The following KCNJ10 variants were observed in gnomAD, a reference collection of about 807,000 sequenced individuals.
KCNJ10 encodes potassium inwardly rectifying channel subfamily J member 10.
In KCNJ10, 9 loss-of-function variants were observed where a neutral mutation model predicts 22.2. The observed-to-expected ratio is 0.40, with a 90% CI of 0.24 to 0.71. The LOEUF is 0.71. Among genes scored for constraint, KCNJ10 ranks in the 30% least tolerant of loss-of-function variants. KCNJ10 has a pLI of 0.35. For synonymous variants in KCNJ10, 184 were observed against 187.3 expected (o/e 0.98, Z 0.15); for missense variants, 337 against 482.7 (o/e 0.70, Z 2.83).
intron 1 of KCNJ10, among the ~76,000 whole-genome samples, chr1:160,063,882 C>T (rs921897065): frequency 2.0e-5 from 3 of 152,362 alleles, no homozygotes; most frequent in South Asian, 2.1e-4. Context: ...TTGAGCTCTA[C>T]GCTGAGCCCT....
At position 160,070,050 on chromosome 1, in the gene KCNJ10, G is replaced by A. The variant is rs1649414704; in HGVS notation, c.-29C>T. ...GGGTCCGAGGTGGAGTGGCCCCTTG[G>A]ATGGGCCGCGGGGCAGCGGGACAGA... On this transcript the variant is annotated 5_prime_UTR_variant, in exon 1 of 2. Coordinates refer to ENST00000644903, the MANE Select transcript of KCNJ10 (RefSeq NM_002241.5). The surrounding 1 kb of genome is among the most constrained non-coding windows in gnomAD (Gnocchi z 4.3). The A allele has an allele frequency of 1.3e-5, 2 of 152,914 alleles. No individual in the cohort carries two copies. Among genetic ancestry groups the A allele is most frequent in the Admixed American group, 1.3e-4 (2 of 15,288 alleles). 9.5% of individuals were successfully genotyped at this position (152,914 alleles called of 1,614,324 possible).
intron 1 of KCNJ10, among the ~76,000 whole-genome samples, chr1:160,069,325 G>A (rs1649397155): frequency 6.6e-6 from 1 of 152,218 alleles, no homozygotes; most frequent in Non-Finnish European, 1.5e-5. Context: ...TCCATCTGGA[G>A]GGTGAGTTTA....
chr1:160,049,490 C>T (rs570079783), intron 1 of KCNJ10, among the ~76,000 whole-genome samples: 2 of 151,642 alleles, frequency 1.3e-5, no homozygotes, highest in East Asian at 3.9e-4. Flanking sequence ...GTTCAAATAA[C>T]CCCTCTTCCA....
At chr1:160,059,275 A>G (rs1032504077) in intron 1 of KCNJ10, among the ~76,000 whole-genome samples, 1 of 152,168 alleles carries the variant, frequency 6.6e-6, no homozygotes, top group African/African-American at 2.4e-5. Flanking sequence ...GAAGTCCTCT[A>G]TGGTCATCAC....
At chr1:160,049,675 T>TTATTTA (rs1283511580) in intron 1 of KCNJ10, among the ~76,000 whole-genome samples, 1,109 of 47,006 alleles carry the variant, frequency 0.024, 26 homozygotes, top group Non-Finnish European at 0.032. Context: ...TTTTATTTAT[T>TTATTTA]TATATATATA....
intron 1 of KCNJ10, among the ~76,000 whole-genome samples, chr1:160,044,288 A>C (rs1314582510): frequency 6.6e-6 from 1 of 152,232 alleles, no homozygotes; most frequent in Non-Finnish European, 1.5e-5. Flanking sequence ...CTTTGGAACA[A>C]AAAGGAAGCT....
Position 160,069,424 on chromosome 1 carries a change from G to T in KCNJ10, c.-1+598C>A, listed in dbSNP as rs377265700. On this transcript the variant is annotated intron_variant, in intron 1 of 1. Coordinates refer to ENST00000644903, the MANE Select transcript of KCNJ10 (RefSeq NM_002241.5). Reference sequence around the variant, plus strand: ...CCAGTGCGAAACAGCTGGGGTGAGGGTGAGGGGCCATGAGGAGGGATGTCT... The same window carrying T: ...CCAGTGCGAAACAGCTGGGGTGAGGTTGAGGGGCCATGAGGAGGGATGTCT... Among the ~76,000 whole-genome samples the T allele has an allele frequency of 2.2e-4, 34 of 152,318 alleles. 2 individuals are homozygous for T. The South Asian group carries it at 6.6e-3, about 30-fold the overall frequency.
At chr1:160,044,644 A>AGTACTTAGGTACTC (rs1397278454) in intron 1 of KCNJ10, 1 of 152,214 alleles carries the variant, frequency 6.6e-6, no homozygotes, top group East Asian at 1.9e-4. Flanking sequence ...TAAGATTACG[A>AGTACTTAGGTACTC]GTACTTAGGT....
At chr1:160,061,274 C>T (rs1052612085) in intron 1 of KCNJ10, among the ~76,000 whole-genome samples, 4 of 152,180 alleles carry the variant, frequency 2.6e-5, no homozygotes, top group Admixed American at 1.3e-4. Context: ...CCACCAGCTG[C>T]CTGGACACCA....
At chr1:160,061,763 G>A in intron 1 of KCNJ10, among the ~76,000 whole-genome samples, 1 of 147,824 alleles carries the variant, frequency 6.8e-6, no homozygotes, top group Admixed American at 6.7e-5. Flanking sequence ...AAGGGGGGTG[G>A]GGTGGAGGGA....
intron 1 of KCNJ10, among the ~76,000 whole-genome samples, chr1:160,057,512 G>T (rs1158037279): frequency 6.6e-6 from 1 of 152,216 alleles, no homozygotes; most frequent in Non-Finnish European, 1.5e-5. Flanking sequence ...CCTGCCAAGA[G>T]GTGGGCAAGT....
chr1:160,068,327 G>T (rs903551343), intron 1 of KCNJ10, among the ~76,000 whole-genome samples: 7 of 151,686 alleles, frequency 4.6e-5, no homozygotes, highest in Admixed American at 2.0e-4. Context: ...TTTGATATCC[G>T]CTGAGACAAC....
At chr1:160,049,693 A>ATATATATATATATATATATTTATATT (rs1648849027) in intron 1 of KCNJ10, among the ~76,000 whole-genome samples, 1 of 116,732 alleles carries the variant, frequency 8.6e-6, no homozygotes, top group African/African-American at 3.4e-5. Flanking sequence ...ATATATATAT[A>ATATATATATATATATATATTTATATT]TATATATATA....
chr1:160,046,899 G>A lies in KCNJ10; in HGVS notation c.1-4367C>T, dbSNP rs145617580. Among the ~76,000 whole-genome samples the A allele has an allele frequency of 1.1e-3, 173 of 152,282 alleles. 1 individual carries two copies. The highest frequency in any genetic ancestry group is 4.0e-3 in the African/African-American group (168 of 41,556). On this transcript the variant is annotated intron_variant, in intron 1 of 1. Transcript: ENST00000644903. ...CTATTTCCCCAAAACAGTCCCAGCC[G>A]GCCAAATACCAGAGACAGAATTCTG...
rs1401735512 is a variant in KCNJ10, at chr1:160,041,354, GAA to G, written c.*37_*38del. 1 of 1,595,144 alleles carries G rather than the reference GAA, an allele frequency of 6.3e-7. No homozygotes were observed. The highest frequency in any genetic ancestry group is 2.2e-5 in the East Asian group (1 of 44,636). On this transcript the variant is annotated 3_prime_UTR_variant, in exon 2 of 2. Coordinates refer to ENST00000644903, the MANE Select transcript of KCNJ10 (RefSeq NM_002241.5). This position sits in a 1 kb window ranked among gnomAD's most constrained non-coding sequence, Gnocchi z 4.4. Reference sequence around the variant, plus strand: ...TCCTTACCAGGGCATTGGAAGAGAGGAAAAGAGACCAGAGGAATGGGGGAGTG... The same window carrying G: ...TCCTTACCAGGGCATTGGAAGAGAGGAAGAGACCAGAGGAATGGGGGAGTG...
chr1:160,040,364 C>T lies in KCNJ10; in HGVS notation c.*1029G>A, dbSNP rs1262257977. On this transcript the variant is annotated 3_prime_UTR_variant, in exon 2 of 2. Coordinates refer to ENST00000644903, the MANE Select transcript of KCNJ10 (RefSeq NM_002241.5). ...TGTGAATCTAGTTTTACTTGAGCAT[C>T]CGTGTTAAGAGAGGAAGGCCCTTGC... 2 of 394,136 alleles carry T rather than the reference C, an allele frequency of 5.1e-6. No homozygotes were observed. Among genetic ancestry groups the T allele is most frequent in the Non-Finnish European group, 8.9e-6 (2 of 223,900 alleles). The allele number at this position is 394,136 out of a possible 1,614,324, so 24.4% of individuals were successfully genotyped here. A position where few individuals can be genotyped will look rare whatever the true frequency, so the allele number is the denominator to read the frequency against.
At chr1:160,069,711 T>C (rs1170544845) in intron 1 of KCNJ10, among the ~76,000 whole-genome samples, 1 of 152,140 alleles carries the variant, frequency 6.6e-6, no homozygotes, top group Non-Finnish European at 1.5e-5. Context: ...TTATGTGTGG[T>C]TGTCACTGTA....
rs1649108604 is a variant in KCNJ10 at position 160,058,772 on chromosome 1, A to G, written c.-1+11250T>C. Among the ~76,000 whole-genome samples the G allele has an allele frequency of 2.6e-5, 4 of 152,200 alleles. No individual in the cohort carries two copies. In the South Asian group the frequency reaches 8.3e-4, roughly 32 times the overall value. ...TTCTCTATCTGTACCCACCCACTTC[A>G]CGCATGCATCATGTCCCCAGCCACA... On this transcript the variant is annotated intron_variant, in intron 1 of 1. Transcript: ENST00000644903.
intron 1 of KCNJ10, 38 bp from the exon 2 acceptor site, chr1:160,042,570 G>A (rs1648638219): frequency 6.3e-7 from 1 of 1,585,444 alleles, no homozygotes; most frequent in African/African-American, 1.3e-5. Context: ...GGTTATCGTA[G>A]AAATCCAGCT....
Sources: allele counts gnomAD v4.1 joint callset (sites outside exome capture counted in the v4.1 genomes callset), GRCh38; gene constraint gnomAD v4.1.1; non-coding constraint Gnocchi (gnomAD v3.1); transcripts MANE v1.5; gene names NCBI Gene and HGNC (gene_info 2026-07-23, HGNC 2026-07-21).